Variants in FGD5 observed in about 807,000 individuals in gnomAD.
The protein encoded by FGD5 is FYVE, RhoGEF and PH domain-containing protein 5.
Under a neutral mutation model 133.4 loss-of-function variants are expected in FGD5, and 28 were observed. The observed-to-expected ratio is 0.21, with a 90% CI of 0.16 to 0.29. The LOEUF (loss-of-function observed/expected upper bound fraction) is 0.29, where lower values mean the gene tolerates loss of function less well. FGD5 is among the 10% of genes least tolerant of loss of function. FGD5 has a pLI of 1.00. For missense variants in FGD5, 1,858 were observed against 1,895.2 expected (o/e 0.98, Z 0.36); for synonymous variants, 810 against 776.5 (o/e 1.04, Z -0.72).
chr3:14,815,829 C>T (rs555317243), upstream of FGD5, among the ~76,000 whole-genome samples: 52 of 152,288 alleles, frequency 3.4e-4, no homozygotes, highest in South Asian at 1.9e-3. Flanking sequence ...ACTAGAAAGC[C>T]GGAAACGCAG....
chr3:14,867,117 C>T (rs943415149), intron 2 of FGD5, among the ~76,000 whole-genome samples: 11 of 152,346 alleles, frequency 7.2e-5, no homozygotes, highest in South Asian at 2.1e-4. Flanking sequence ...TGCTCTACCA[C>T]GGAATATGTA....
chr3:14,843,045 T>C (rs58483671), intron 1 of FGD5, among the ~76,000 whole-genome samples: 8,395 of 152,334 alleles, frequency 0.055, 796 homozygotes, highest in African/African-American at 0.19. Flanking sequence ...CTTATATTTC[T>C]TGTTCTTAAT....
intron 1 of FGD5, among the ~76,000 whole-genome samples, chr3:14,812,755 C>T (rs1488519899): frequency 6.6e-6 from 1 of 152,208 alleles, no homozygotes; most frequent in Non-Finnish European, 1.5e-5. Context: ...AACCTCTCTA[C>T]ACCTGTTTCT....
intron 10 of FGD5, among the ~76,000 whole-genome samples, 162 bp from the exon 11 acceptor site, chr3:14,910,699 G>T (rs1211904879): frequency 6.6e-6 from 1 of 152,030 alleles, no homozygotes; most frequent in Non-Finnish European, 1.5e-5. Flanking sequence ...GCTGCTCTCG[G>T]GTTCTCTGGG....
chr3:14,860,685 T>TTA (rs1017650312), intron 1 of FGD5, among the ~76,000 whole-genome samples: 9 of 152,164 alleles, frequency 5.9e-5, no homozygotes, highest in Non-Finnish European at 1.3e-4. Flanking sequence ...TTTAAAGTGT[T>TTA]AAAAGGGTCC....
In FGD5 at chr3:14,828,182, A is replaced by G. The variant is rs559840308; in HGVS notation, c.2525+6586A>G. Among the ~76,000 whole-genome samples, 15 of 152,210 alleles carry G rather than the reference A, an allele frequency of 9.9e-5. No individual in the cohort carries two copies. In the South Asian group the frequency reaches 3.1e-3, roughly 32 times the overall value. On this transcript the variant is annotated intron_variant, in intron 1 of 19. Coordinates refer to ENST00000285046, the MANE Select transcript of FGD5 (RefSeq NM_152536.4). ...CCACTGCTGGCCTCAGTGGACTGAGAGTCTGGGGGTAGGAAGAGGACTTAG... is the reference window on the plus strand; with the variant it reads ...CCACTGCTGGCCTCAGTGGACTGAGGGTCTGGGGGTAGGAAGAGGACTTAG...
intron 2 of FGD5, among the ~76,000 whole-genome samples, chr3:14,876,691 G>C (rs1166212293): frequency 6.6e-6 from 1 of 152,202 alleles, no homozygotes; most frequent in Non-Finnish European, 1.5e-5. Context: ...TGTTTTGGTT[G>C]ACTTAAATGA....
chr3:14,812,380 A>G (rs1490781539), intron 1 of FGD5, among the ~76,000 whole-genome samples: 1 of 152,210 alleles, frequency 6.6e-6, no homozygotes, highest in African/African-American at 2.4e-5. Context: ...CACTCCTAAT[A>G]AAACTCGCTT....
Position 14,844,257 on chromosome 3 carries a change from T to A in FGD5, c.2526-19871T>A, listed in dbSNP as rs1489970803. ...ATATATATATATATATATATATATA[T>A]ATATATATATATATAATGCAGGTTT... is the stretch of plus-strand genomic sequence containing the variant. On this transcript the variant is annotated intron_variant, in intron 1 of 19. Coordinates refer to ENST00000285046, the MANE Select transcript of FGD5 (RefSeq NM_152536.4). 3.4e-3 allele frequency among the ~76,000 whole-genome samples: 238 copies of A among 69,320 alleles called. 9 individuals are homozygous for A. The highest frequency in any genetic ancestry group is 5.2e-3 in the Admixed American group (34 of 6,534). The allele number at this position is 69,320 out of a possible 152,430, so 45.5% of individuals were successfully genotyped here. A position where few individuals can be genotyped will look rare whatever the true frequency, so the allele number is the denominator to read the frequency against.
At chr3:14,899,768 G>A (rs752559740) in intron 7 of FGD5, among the ~76,000 whole-genome samples, 4 of 152,178 alleles carry the variant, frequency 2.6e-5, no homozygotes, top group Non-Finnish European at 4.4e-5. Flanking sequence ...GAAAAATAAA[G>A]CAAGTTAAGG....
intron 2 of FGD5, among the ~76,000 whole-genome samples, chr3:14,870,585 T>G (rs1010301835): frequency 1.3e-5 from 2 of 152,206 alleles, no homozygotes; most frequent in Admixed American, 1.3e-4. Flanking sequence ...CTGTCAACTC[T>G]GCTGTCTTAG....
intron 1 of FGD5, among the ~76,000 whole-genome samples, chr3:14,832,917 A>G (rs972865371): frequency 7.9e-5 from 12 of 152,228 alleles, no homozygotes; most frequent in African/African-American, 1.2e-4. Context: ...CAAAGGGACA[A>G]TCTTATGCAG....
chr3:14,814,227 A>G (rs1447160739), upstream of FGD5, among the ~76,000 whole-genome samples: 1 of 152,206 alleles, frequency 6.6e-6, no homozygotes, highest in Non-Finnish European at 1.5e-5. Context: ...GGTTCTGGAC[A>G]GGGAATCCAG....
At chr3:14,918,988 C>T (rs2038619143) in intron 13 of FGD5, among the ~76,000 whole-genome samples, 155 bp downstream of exon 13, 1 of 152,074 alleles carries the variant, frequency 6.6e-6, no homozygotes, top group South Asian at 2.1e-4. Flanking sequence ...TTCAGTGTTT[C>T]TTAACCTTTT....
intron 18 of FGD5, 147 bp downstream of exon 18, chr3:14,926,345 C>T: frequency 9.9e-7 from 1 of 1,006,384 alleles, no homozygotes; most frequent in Middle Eastern, 2.2e-4. Context: ...TGAGCAATGC[C>T]ATGTGCTCAA....
intron 2 of FGD5, among the ~76,000 whole-genome samples, chr3:14,873,516 C>T (rs1391019804): frequency 6.6e-6 from 1 of 152,112 alleles, no homozygotes; most frequent in Non-Finnish European, 1.5e-5. Context: ...GAAGTCATGG[C>T]TGGACCTTTC....
In FGD5 at chr3:14,932,741, GAACT is replaced by G; in HGVS notation, c.4352+13_4352+16del. The G allele has an allele frequency of 6.2e-7, 1 of 1,609,902 alleles. No individual in the cohort carries two copies. Among genetic ancestry groups the G allele is most frequent in the Non-Finnish European group, 8.5e-7 (1 of 1,178,788 alleles). On this transcript the variant is annotated intron_variant, in intron 19 of 19. Transcript: ENST00000285046. ...CCAATTCAGCTCAGAGGTACGAAAA[GAACT>G]AATTAGTCTTATAGCTTTTTGTTCT...
At chr3:14,926,959 A>G (rs2038814862) in intron 18 of FGD5, among the ~76,000 whole-genome samples, 1 of 152,214 alleles carries the variant, frequency 6.6e-6, no homozygotes, top group African/African-American at 2.4e-5. Flanking sequence ...CCCTGGCCAC[A>G]GATGCTAGCA....
intron 4 of FGD5, among the ~76,000 whole-genome samples, chr3:14,893,933 T>G (rs545191252): frequency 6.6e-6 from 1 of 152,018 alleles, no homozygotes; most frequent in East Asian, 1.9e-4. Context: ...AATTTTTGTA[T>G]TTTTAGTAGA....
Sources: gnomAD v4.1 joint callset for allele counts (sites outside exome capture counted in the v4.1 genomes callset) on GRCh38, gnomAD v4.1.1 for gene constraint, MANE v1.5 for transcripts, NCBI Gene and HGNC (gene_info 2026-07-23, HGNC 2026-07-21) for gene names.